Variants in RTF1 observed in about 807,000 individuals in gnomAD.
RTF1 encodes RNA polymerase-associated protein RTF1 homolog.
A neutral mutation model predicts 95.7 loss-of-function variants in RTF1; 10 were observed. That is an observed-to-expected ratio of 0.10 (90% CI 0.06 to 0.18). The LOEUF is 0.18. Among genes scored for constraint, RTF1 ranks in the 10% least tolerant of loss-of-function variants. RTF1 has a pLI of 1.00. For synonymous variants in RTF1, 305 were observed against 311.8 expected (o/e 0.98, Z 0.23); for missense variants, 458 against 875.6 (o/e 0.52, Z 6.02).
Position 41,417,247 on chromosome 15 carries a change from G to A in RTF1, c.132G>A (p.Lys44=), listed in dbSNP as rs1372212863. 3 of 1,253,798 alleles carry A rather than the reference G, an allele frequency of 2.4e-6. No individual in the cohort carries two copies. Among genetic ancestry groups the A allele is most frequent in the Non-Finnish European group, 3.0e-6 (3 of 991,542 alleles). 77.7% of individuals were successfully genotyped at this position (1,253,798 alleles called of 1,614,324 possible). ...GCCGGGGGACCACCATGGTAAAGAA[G>A]CGGAAAGGCCGCGTCGTGATCGACT... ...RGSRGTTMVK[K]RKGRVVIDSD... Residue 44 remains lysine, a synonymous_variant, in exon 1 of 18, where the codon AAG becomes AAA. Transcript: ENST00000389629.
At position 41,443,597 on chromosome 15, in the gene RTF1, G is replaced by A. The variant is rs149345087; in HGVS notation, c.309+5166G>A. ...GCTAGCAGCCATTCAATCATGAGTT[G>A]GGGTTAAAAAAAAAAACGGCCAGCA... is the stretch of plus-strand genomic sequence containing the variant. On this transcript the variant is annotated intron_variant, in intron 2 of 17. Coordinates refer to ENST00000389629, the MANE Select transcript of RTF1 (RefSeq NM_015138.5). Among the ~76,000 whole-genome samples the A allele has an allele frequency of 6.0e-3, 794 of 131,298 alleles. 10 individuals are homozygous for A. The highest frequency in any genetic ancestry group is 0.022 in the African/African-American group (740 of 33,850). The allele number at this position is 131,298 out of a possible 152,430, so 86.1% of individuals were successfully genotyped here.
chr15:41,464,441 G>T (rs1034361079), intron 4 of RTF1, among the ~76,000 whole-genome samples: 2 of 151,152 alleles, frequency 1.3e-5, no homozygotes, highest in Non-Finnish European at 2.9e-5. Context: ...TAGAGACGGG[G>T]TTTCACCATG....
At chr15:41,430,838 G>C (rs1251504212) in intron 1 of RTF1, among the ~76,000 whole-genome samples, 1 of 152,190 alleles carries the variant, frequency 6.6e-6, no homozygotes, top group Non-Finnish European at 1.5e-5. Flanking sequence ...GTTGTGGGAA[G>C]TGCATCTTGT....
At chr15:41,474,488 C>T (rs903794541) in intron 8 of RTF1, 132 bp from the exon 9 acceptor site, 3 of 692,146 alleles carry the variant, frequency 4.3e-6, no homozygotes, top group African/African-American at 1.8e-5. Context: ...TTCTCAGAAC[C>T]CCTGGCAGCT....
intron 1 of RTF1, among the ~76,000 whole-genome samples, chr15:41,436,429 C>T (rs1168340348): frequency 6.7e-6 from 1 of 148,936 alleles, no homozygotes; most frequent in East Asian, 2.0e-4. Context: ...TGCACTCTAG[C>T]CTGGGTGACA....
intron 2 of RTF1, among the ~76,000 whole-genome samples, chr15:41,442,707 G>T (rs908913074): frequency 6.6e-6 from 1 of 151,882 alleles, no homozygotes; most frequent in Non-Finnish European, 1.5e-5. Context: ...CCAAAATGGC[G>T]AAACCCTGTC....
At chr15:41,421,612 CAG>C (rs2050602051) in intron 1 of RTF1, among the ~76,000 whole-genome samples, 1 of 142,896 alleles carries the variant, frequency 7.0e-6, no homozygotes, top group Non-Finnish European at 1.5e-5. Flanking sequence ...GCCCAGGTAA[CAG>C]AGTGAGACCC....
intron 1 of RTF1, among the ~76,000 whole-genome samples, chr15:41,417,849 T>A (rs1240093337): frequency 6.6e-6 from 1 of 152,088 alleles, no homozygotes. Flanking sequence ...TTGCCAAGGA[T>A]GACTTAGCTG....
intron 2 of RTF1, among the ~76,000 whole-genome samples, chr15:41,452,500 G>A (rs988160488): frequency 6.6e-6 from 1 of 151,132 alleles, no homozygotes; most frequent in African/African-American, 2.4e-5. Context: ...TTGGGAGGCC[G>A]ATACAGGAGG....
At chr15:41,445,419 T>G (rs1595431133) in intron 2 of RTF1, among the ~76,000 whole-genome samples, 1 of 152,186 alleles carries the variant, frequency 6.6e-6, no homozygotes, top group East Asian at 1.9e-4. Flanking sequence ...AACAGTGTAA[T>G]GTAGTATTAA....
chr15:41,476,811 C>T (rs572383039), intron 12 of RTF1, among the ~76,000 whole-genome samples: 1 of 152,344 alleles, frequency 6.6e-6, no homozygotes, highest in Admixed American at 6.5e-5. Flanking sequence ...TGAGTCTGAA[C>T]AGACAGATGA....
chr15:41,466,122 T>TATATC lies in RTF1; in HGVS notation c.778-18_778-14dup, dbSNP rs1407414858. On this transcript the variant is annotated intron_variant, in intron 5 of 17. Coordinates refer to ENST00000389629, the MANE Select transcript of RTF1 (RefSeq NM_015138.5). ...GCTGTTGGTAAAAAGGGCCATTCTA[T>TATATC]ATATCCTTCCCTTCCTAGGTAACAT... is the stretch of plus-strand genomic sequence containing the variant. 2 of 1,507,712 alleles carry TATATC rather than the reference T, an allele frequency of 1.3e-6. No homozygotes were observed. The highest frequency in any genetic ancestry group is 1.8e-6 in the Non-Finnish European group (2 of 1,121,868). 93.4% of individuals were successfully genotyped at this position (1,507,712 alleles called of 1,614,324 possible).
At position 41,424,215 on chromosome 15, in the gene RTF1, C is replaced by T. The variant is rs182440552; in HGVS notation, c.198+6902C>T. Among the ~76,000 whole-genome samples the T allele has an allele frequency of 2.6e-5, 4 of 152,224 alleles. No individual in the cohort carries two copies. The East Asian group carries it at 7.7e-4, about 29-fold the overall frequency. On this transcript the variant is annotated intron_variant, in intron 1 of 17. Transcript: ENST00000389629. ...AGAGAGTAATTTCCTTACAATTGCACTACAGGCCATGAAGCAAGGACAAGA... is the reference window on the plus strand; with the variant it reads ...AGAGAGTAATTTCCTTACAATTGCATTACAGGCCATGAAGCAAGGACAAGA...
intron 1 of RTF1, among the ~76,000 whole-genome samples, chr15:41,432,186 G>C (rs970817996): frequency 6.7e-6 from 1 of 149,400 alleles, no homozygotes; most frequent in East Asian, 2.0e-4. Flanking sequence ...AGAGCTGTTT[G>C]TTAGGTTTTC....
intron 1 of RTF1, among the ~76,000 whole-genome samples, chr15:41,433,247 C>CA (rs1437951656): frequency 6.6e-6 from 1 of 151,364 alleles, no homozygotes; most frequent in African/African-American, 2.4e-5. Context: ...GAGTCCATCT[C>CA]AAAAAAAATA....
intron 3 of RTF1, among the ~76,000 whole-genome samples, chr15:41,457,334 G>GA (rs1447472421): frequency 6.6e-6 from 1 of 152,176 alleles, no homozygotes; most frequent in Non-Finnish European, 1.5e-5. Context: ...AGGAGTTCGA[G>GA]ACCAGCCTGA....
intron 1 of RTF1, among the ~76,000 whole-genome samples, chr15:41,430,213 G>T (rs1401205728): frequency 2.2e-5 from 3 of 133,572 alleles, no homozygotes; most frequent in African/African-American, 8.5e-5. Context: ...GAGTCTCGCT[G>T]CCCCCTAGGC....
At chr15:41,460,426 A>G (rs181193722) in intron 4 of RTF1, among the ~76,000 whole-genome samples, 15 of 152,210 alleles carry the variant, frequency 9.9e-5, no homozygotes, top group Admixed American at 3.9e-4. Context: ...CTCGGCTTCA[A>G]CATTTGTTTT....
rs558567504 is a variant in RTF1, at chr15:41,428,392, C to T, written c.199-9929C>T. ...ACACCATTCTCCCGCCTCAGCCTCCCGAGTAGCTGGGACTACAGGTGCCCG... is the reference window on the plus strand; with the variant it reads ...ACACCATTCTCCCGCCTCAGCCTCCTGAGTAGCTGGGACTACAGGTGCCCG... On this transcript the variant is annotated intron_variant, in intron 1 of 17. Transcript: ENST00000389629. Among the ~76,000 whole-genome samples the T allele has an allele frequency of 1.3e-3, 188 of 148,812 alleles. 2 individuals carry two copies. The South Asian group carries it at 0.016, about 13-fold the overall frequency.
Sources: allele counts gnomAD v4.1 joint callset (sites outside exome capture counted in the v4.1 genomes callset), GRCh38; gene constraint gnomAD v4.1.1; transcripts MANE v1.5; gene names NCBI Gene and HGNC (gene_info 2026-07-23, HGNC 2026-07-21).